Variants in ERC2 observed in about 807,000 individuals in gnomAD.
ERC2 encodes ERC protein 2.
Under a neutral mutation model 114.8 loss-of-function variants are expected in ERC2, and 42 were observed. That is an observed-to-expected ratio of 0.37 (90% CI 0.29 to 0.47). ERC2 has a LOEUF of 0.47. Among genes scored for constraint, ERC2 ranks in the 20% least tolerant of loss-of-function variants. The probability of loss-of-function intolerance (pLI) is 0.99; values close to 1 mark genes in which losing one functional copy is unlikely to be tolerated. For missense variants in ERC2, 939 were observed against 1,150.7 expected (o/e 0.82, Z 2.66); for synonymous variants, 454 against 425.5 (o/e 1.07, Z -0.82).
intron 2 of ERC2, among the ~76,000 whole-genome samples, chr3:56,408,895 G>T (rs1162244435): frequency 6.6e-6 from 1 of 152,250 alleles, no homozygotes; most frequent in South Asian, 2.1e-4. Flanking sequence ...CTGCACGCGC[G>T]CCTGAGGAAC....
At chr3:55,618,585 A>G (rs1304497090) in intron 17 of ERC2, among the ~76,000 whole-genome samples, 16 of 152,224 alleles carry the variant, frequency 1.1e-4, no homozygotes. Flanking sequence ...TAAGTTCAAA[A>G]AGCAGATTAT....
At chr3:55,912,069 A>G (rs2064841931) in intron 13 of ERC2, among the ~76,000 whole-genome samples, 1 of 152,222 alleles carries the variant, frequency 6.6e-6, no homozygotes, top group Non-Finnish European at 1.5e-5. Flanking sequence ...GGAAGGCTGT[A>G]TGAGTTTCCT....
intron 6 of ERC2, among the ~76,000 whole-genome samples, chr3:56,083,762 T>C (rs1238042089): frequency 6.6e-6 from 1 of 151,846 alleles, no homozygotes; most frequent in African/African-American, 2.4e-5. Flanking sequence ...GGTATTGGGG[T>C]GATGGAAGGA....
chr3:55,615,793 CTTG>C (rs1291694177), intron 17 of ERC2, among the ~76,000 whole-genome samples: 4 of 152,076 alleles, frequency 2.6e-5, no homozygotes, highest in African/African-American at 7.2e-5. Flanking sequence ...CAGCAGAGGC[CTTG>C]TTGTTAAAAG....
intron 17 of ERC2, among the ~76,000 whole-genome samples, chr3:55,566,759 T>C (rs1056370648): frequency 1.3e-5 from 2 of 151,962 alleles, no homozygotes; most frequent in East Asian, 1.9e-4. Context: ...AGTGCAGTGG[T>C]GCAATCTTGG....
chr3:55,825,090 A>G (rs17056026), intron 14 of ERC2, among the ~76,000 whole-genome samples: 4,838 of 152,298 alleles, frequency 0.032, 119 homozygotes, highest in Middle Eastern at 0.065. Context: ...AACTAGATTT[A>G]CAATTGACAC....
chr3:56,453,518 A>C (rs1295844310), intron 1 of ERC2, among the ~76,000 whole-genome samples: 4 of 152,222 alleles, frequency 2.6e-5, no homozygotes, highest in Non-Finnish European at 5.9e-5. Context: ...TTAGATTAAA[A>C]TATAGGACAG....
intron 17 of ERC2, among the ~76,000 whole-genome samples, chr3:55,560,450 G>A (rs1378597651): frequency 6.6e-6 from 1 of 152,182 alleles, no homozygotes; most frequent in Non-Finnish European, 1.5e-5. Flanking sequence ...AAGCTGCCAT[G>A]TAAGAAATTG....
At chr3:55,516,554 T>C (rs368450745) in intron 17 of ERC2, among the ~76,000 whole-genome samples, 2 of 110,246 alleles carry the variant, frequency 1.8e-5, no homozygotes, top group Non-Finnish European at 3.8e-5. Flanking sequence ...GGGATGGGGG[T>C]GGGGCGGGGC....
intron 13 of ERC2, among the ~76,000 whole-genome samples, chr3:55,895,499 A>C (rs976086131): frequency 1.8e-4 from 28 of 152,328 alleles, no homozygotes; most frequent in African/African-American, 6.7e-4. Flanking sequence ...AGGCACCAGC[A>C]CATGCCCATT....
intron 14 of ERC2, among the ~76,000 whole-genome samples, chr3:55,784,024 T>C (rs905454505): frequency 6.6e-6 from 1 of 152,218 alleles, no homozygotes; most frequent in Admixed American, 6.5e-5. Context: ...CTAGGACATT[T>C]TCATTCTAGA....
At chr3:55,518,491 A>G (rs181455451) in intron 17 of ERC2, among the ~76,000 whole-genome samples, 24 of 152,346 alleles carry the variant, frequency 1.6e-4, no homozygotes, top group African/African-American at 3.6e-4. Context: ...CACCTAAGAC[A>G]CTTGCTGAGT....
rs150733966 is a variant in ERC2 at position 55,773,890 on chromosome 3, A to C, written c.2565-38972T>G. On this transcript the variant is annotated intron_variant, in intron 14 of 17. Coordinates refer to ENST00000288221, the MANE Select transcript of ERC2 (RefSeq NM_015576.3). Reference sequence around the variant, plus strand: ...AGGAACAGAGATTATAGAGGGAAAGAAGGCGGCTTTTGTGTATATACTTAT... The same window carrying C: ...AGGAACAGAGATTATAGAGGGAAAGCAGGCGGCTTTTGTGTATATACTTAT... Among the ~76,000 whole-genome samples, 180 of 152,344 alleles carry C rather than the reference A, an allele frequency of 1.2e-3. 1 individual carries two copies. The highest frequency in any genetic ancestry group is 4.0e-3 in the African/African-American group (165 of 41,586).
At chr3:55,885,408 A>G (rs1268824616) in intron 14 of ERC2, among the ~76,000 whole-genome samples, 1 of 152,228 alleles carries the variant, frequency 6.6e-6, no homozygotes, top group Non-Finnish European at 1.5e-5. Flanking sequence ...AAGTCCTCCC[A>G]TAGTCCCAGG....
intron 17 of ERC2, among the ~76,000 whole-genome samples, chr3:55,654,543 A>C (rs2060775968): frequency 6.6e-6 from 1 of 152,242 alleles, no homozygotes; most frequent in Admixed American, 6.5e-5. Flanking sequence ...TCTGCAGAAA[A>C]CGGTTGCAGA....
chr3:55,697,733 T>C (rs1280978520), intron 16 of ERC2, among the ~76,000 whole-genome samples: 2 of 152,074 alleles, frequency 1.3e-5, no homozygotes, highest in African/African-American at 4.8e-5. Context: ...TTCTTTCTAC[T>C]CTTATGGTAC....
chr3:55,690,306 A>G (rs1237626486), intron 16 of ERC2, among the ~76,000 whole-genome samples: 1 of 152,158 alleles, frequency 6.6e-6, no homozygotes, highest in Non-Finnish European at 1.5e-5. Context: ...TAAGTCAAAC[A>G]TGATCCCTAT....
chr3:56,285,939 T>C (rs2054669777), intron 3 of ERC2, among the ~76,000 whole-genome samples: 2 of 152,324 alleles, frequency 1.3e-5, no homozygotes, highest in Admixed American at 6.5e-5. Context: ...GGAGTTTGAA[T>C]GGCAATCTCC....
chr3:55,551,015 C>CAAAAAAA (rs368001324), intron 17 of ERC2, among the ~76,000 whole-genome samples: 1 of 76,704 alleles, frequency 1.3e-5, no homozygotes, highest in Admixed American at 1.5e-4. Flanking sequence ...GACTCCGTCT[C>CAAAAAAA]AAAAAAAAAA....
Sources: gnomAD v4.1 joint callset for allele counts (sites outside exome capture counted in the v4.1 genomes callset) on GRCh38, gnomAD v4.1.1 for gene constraint, MANE v1.5 for transcripts, NCBI Gene and HGNC (gene_info 2026-07-23, HGNC 2026-07-21) for gene names.